PTPRT: variants seen among roughly 807,000 people sequenced by gnomAD.
The protein encoded by PTPRT is protein tyrosine phosphatase receptor type T.
PTPRT carries 56 observed loss-of-function variants against 176.8 expected under a neutral mutation model. The observed-to-expected ratio is 0.32, with a 90% CI of 0.26 to 0.40. The LOEUF is 0.40. Ranked by LOEUF, PTPRT falls within the 10% of genes least tolerant of loss-of-function variation. The pLI is 1.00. For missense variants in PTPRT, 1,540 were observed against 1,908.2 expected (o/e 0.81, Z 3.60); for synonymous variants, 783 against 739.0 (o/e 1.06, Z -0.96).
chr20:42,083,615 G>C (rs1275342988), intron 29 of PTPRT, among the ~76,000 whole-genome samples: 1 of 152,186 alleles, frequency 6.6e-6, no homozygotes, highest in African/African-American at 2.4e-5. Context: ...CCACCTGTTT[G>C]AGAGGGAGAA....
chr20:43,135,882 G>C (rs1600738243), intron 1 of PTPRT, among the ~76,000 whole-genome samples: 1 of 152,220 alleles, frequency 6.6e-6, no homozygotes, highest in Non-Finnish European at 1.5e-5. Context: ...TCAGAAGGCA[G>C]AGTCACATGG....
the PTPRT span, among the ~76,000 whole-genome samples, chr20:42,033,905 T>G: frequency 6.6e-6 from 1 of 152,206 alleles, no homozygotes; most frequent in African/African-American, 2.4e-5. Context: ...TAGAATGGTT[T>G]TATGTATGAA....
chr20:42,086,753 A>AAAAAAAATATATATATATATATATAT (rs1983991312), intron 27 of PTPRT, among the ~76,000 whole-genome samples: 2 of 95,530 alleles, frequency 2.1e-5, no homozygotes, highest in Admixed American at 1.0e-4. Flanking sequence ...AAAAAAAAAA[A>AAAAAAAATATATATATATATATATAT]ATATATATAT....
At chr20:42,990,851 C>T (rs1311505848) in intron 1 of PTPRT, among the ~76,000 whole-genome samples, 1 of 152,050 alleles carries the variant, frequency 6.6e-6, no homozygotes, top group African/African-American at 2.4e-5. Flanking sequence ...GGGGAGTTTG[C>T]AGAGTTAGAT....
intron 6 of PTPRT, among the ~76,000 whole-genome samples, chr20:42,750,886 C>T (rs763531594): frequency 7.2e-5 from 11 of 152,022 alleles, no homozygotes; most frequent in East Asian, 1.9e-4. Flanking sequence ...GTTGAGGGGC[C>T]GAATTGTCAA....
intron 1 of PTPRT, among the ~76,000 whole-genome samples, chr20:43,045,619 TAA>T: frequency 7.1e-5 from 10 of 140,880 alleles, no homozygotes; most frequent in African/African-American, 3.0e-4. Context: ...CATGTCCAGC[TAA>T]TTTTTCTATT....
chr20:43,030,269 T>A (rs968114234), intron 1 of PTPRT, among the ~76,000 whole-genome samples: 1 of 152,190 alleles, frequency 6.6e-6, no homozygotes, highest in African/African-American at 2.4e-5. Context: ...TGTGGCAAGT[T>A]TTACAACAAG....
intron 1 of PTPRT, among the ~76,000 whole-genome samples, chr20:42,941,755 C>T (rs1262059128): frequency 1.3e-5 from 2 of 152,060 alleles, no homozygotes; most frequent in African/African-American, 4.8e-5. Context: ...CCAGGTTGGT[C>T]GTGAACTCCT....
At chr20:42,212,995 C>T (rs2146748593) in intron 15 of PTPRT, among the ~76,000 whole-genome samples, 1 of 152,194 alleles carries the variant, frequency 6.6e-6, no homozygotes, top group Non-Finnish European at 1.5e-5. Context: ...GGGGTGCAGC[C>T]TGGGCATCTG....
At chr20:42,160,509 C>G (rs1373662506) in intron 17 of PTPRT, among the ~76,000 whole-genome samples, 11 of 107,868 alleles carry the variant, frequency 1.0e-4, no homozygotes, top group African/African-American at 4.0e-4. Flanking sequence ...ACGTGGTGCC[C>G]TTTGTCTGGA....
chr20:42,286,252 A>C (rs1367676855), intron 12 of PTPRT, among the ~76,000 whole-genome samples: 1 of 151,944 alleles, frequency 6.6e-6, no homozygotes, highest in Non-Finnish European at 1.5e-5. Context: ...ATGAAAACTC[A>C]AAAGACCGCA....
Position 42,791,189 on chromosome 20 carries a change from C to T in PTPRT, c.486+6G>A, listed in dbSNP as rs2077369325. 9 of 1,576,236 alleles carry T rather than the reference C, an allele frequency of 5.7e-6. No individual in the cohort carries two copies. The highest frequency in any genetic ancestry group is 1.7e-4 in the Middle Eastern group (1 of 5,854). ...TCAAAAATAAAACCATGGTAAAATG[C>T]CATACCTGATAGAAATGTGGCCAGA... On this transcript the variant is annotated splice_donor_region_variant and intron_variant, in intron 3 of 30. Coordinates refer to ENST00000373187, the MANE Select transcript of PTPRT (RefSeq NM_007050.6).
intron 15 of PTPRT, among the ~76,000 whole-genome samples, chr20:42,235,902 C>G (rs1003131850): frequency 2.0e-5 from 3 of 152,180 alleles, no homozygotes; most frequent in African/African-American, 7.2e-5. Context: ...CTCATGTGTG[C>G]AAGTCCTACA....
At chr20:42,677,828 C>G (rs374813661) in intron 7 of PTPRT, 38 bp downstream of exon 7, 1 of 1,576,478 alleles carries the variant, frequency 6.3e-7, no homozygotes, top group Non-Finnish European at 8.6e-7. Context: ...AATAGCACAG[C>G]CTCTCATAAT....
chr20:42,837,961 G>A (rs931480268), intron 2 of PTPRT, among the ~76,000 whole-genome samples: 1 of 152,152 alleles, frequency 6.6e-6, no homozygotes, highest in African/African-American at 2.4e-5. Context: ...AAGTAAGAGG[G>A]AAAAAGGAAC....
At chr20:42,779,060 T>C (rs181763846) in intron 4 of PTPRT, among the ~76,000 whole-genome samples, 4 of 152,294 alleles carry the variant, frequency 2.6e-5, no homozygotes, top group Non-Finnish European at 5.9e-5. Flanking sequence ...ACTTGTAATG[T>C]GTTCCAAATT....
At chr20:42,443,088 A>AGACT (rs2059332340) in intron 9 of PTPRT, among the ~76,000 whole-genome samples, 1 of 152,236 alleles carries the variant, frequency 6.6e-6, no homozygotes, top group African/African-American at 2.4e-5. Context: ...AATATTGTTT[A>AGACT]GACGTCAGGT....
chr20:42,227,019 G>C (rs907534930), intron 15 of PTPRT, among the ~76,000 whole-genome samples: 3 of 152,124 alleles, frequency 2.0e-5, no homozygotes, highest in Non-Finnish European at 2.9e-5. Context: ...GCAATGAAGA[G>C]TGCATTTCAG....
intron 16 of PTPRT, among the ~76,000 whole-genome samples, chr20:42,164,367 C>T (rs560350852): frequency 5.5e-4 from 84 of 152,312 alleles, no homozygotes; most frequent in Non-Finnish European, 9.7e-4. Flanking sequence ...AGACTGTAAA[C>T]TTGGTGTCAG....
Sources: gnomAD v4.1 joint callset for allele counts (sites outside exome capture counted in the v4.1 genomes callset) on GRCh38, gnomAD v4.1.1 for gene constraint, MANE v1.5 for transcripts, NCBI Gene and HGNC (gene_info 2026-07-23, HGNC 2026-07-21) for gene names.